The following ADAMTSL3 variants were observed in gnomAD, a reference collection of about 807,000 sequenced individuals.
ADAMTSL3 encodes ADAMTS-like protein 3.
Under a neutral mutation model 201.7 loss-of-function variants are expected in ADAMTSL3, and 128 were observed. The ratio of observed to expected loss-of-function variants is 0.63; its 90% CI spans 0.55 to 0.73. The LOEUF is 0.73. ADAMTSL3 is among the 30% of genes least tolerant of loss of function. The pLI, the probability that ADAMTSL3 is intolerant of heterozygous loss-of-function variation, is 0.00. For synonymous variants in ADAMTSL3, 738 were observed against 748.4 expected (o/e 0.99, Z 0.23); for missense variants, 1,990 against 2,119.6 (o/e 0.94, Z 1.20).
At chr15:83,968,824 C>CA (rs1278701150) in intron 19 of ADAMTSL3, among the ~76,000 whole-genome samples, 2 of 152,028 alleles carry the variant, frequency 1.3e-5, no homozygotes, top group Non-Finnish European at 2.9e-5. Flanking sequence ...TATGCAGCCA[C>CA]AAAAAAGGAT....
intron 3 of ADAMTSL3, among the ~76,000 whole-genome samples, chr15:83,750,088 A>G (rs545851141): frequency 2.1e-4 from 32 of 152,308 alleles, no homozygotes; most frequent in African/African-American, 6.7e-4. Context: ...CCTCCACTCT[A>G]TGGCCTTGCA....
intron 14 of ADAMTSL3, among the ~76,000 whole-genome samples, chr15:83,898,722 G>A (rs1197689279): frequency 6.6e-6 from 1 of 152,148 alleles, no homozygotes; most frequent in Non-Finnish European, 1.5e-5. Flanking sequence ...CTCATGAAAA[G>A]TATCTTCCAT....
chr15:83,755,218 T>C (rs1391029067), intron 3 of ADAMTSL3, among the ~76,000 whole-genome samples: 1 of 152,204 alleles, frequency 6.6e-6, no homozygotes, highest in African/African-American at 2.4e-5. Context: ...AACACCTTGG[T>C]GTTGCCTGTA....
chr15:83,954,779 C>G (rs552278438), intron 19 of ADAMTSL3, among the ~76,000 whole-genome samples: 1 of 152,322 alleles, frequency 6.6e-6, no homozygotes, highest in South Asian at 2.1e-4. Flanking sequence ...CTCTGGATTA[C>G]CAGGAAGAGA....
At chr15:83,741,271 T>C (rs964515216) in intron 3 of ADAMTSL3, among the ~76,000 whole-genome samples, 28 of 151,566 alleles carry the variant, frequency 1.8e-4, no homozygotes, top group Non-Finnish European at 3.7e-4. Flanking sequence ...TCCCACAGGG[T>C]GTTTTTTCTT....
At chr15:83,863,339 A>G (rs1383041362) in intron 8 of ADAMTSL3, among the ~76,000 whole-genome samples, 1 of 151,010 alleles carries the variant, frequency 6.6e-6, no homozygotes, top group Admixed American at 6.6e-5. Context: ...ACCACACCAC[A>G]CCCAAAACTG....
chr15:83,966,443 T>C (rs905736019), intron 19 of ADAMTSL3, among the ~76,000 whole-genome samples: 6 of 152,122 alleles, frequency 3.9e-5, no homozygotes, highest in African/African-American at 1.4e-4. Context: ...ATGGATAAAT[T>C]CCTGGACACA....
Position 83,819,921 on chromosome 15 carries a change from T to C in ADAMTSL3, c.474T>C (p.Ala158=), listed in dbSNP as rs1799806440. The C allele has an allele frequency of 6.2e-7, 1 of 1,614,032 alleles. No individual in the cohort carries two copies. The highest frequency in any genetic ancestry group is 1.3e-5 in the African/African-American group (1 of 74,908). The change falls in exon 6 of 30, where the codon GCT becomes GCC. Residue 158 remains alanine (A), a synonymous_variant. Transcript: ENST00000286744. ...YEWLPRYNDP[A]APCALKCHAQ... ...GGCTTCCACGATATAATGATCCTGC[T>C]GCCCCGTGTGCACTCAAGTGTCATG...
chr15:83,738,345 T>C (rs1335441769), intron 3 of ADAMTSL3, among the ~76,000 whole-genome samples: 3 of 152,194 alleles, frequency 2.0e-5, no homozygotes, highest in Non-Finnish European at 4.4e-5. Context: ...TTGGGTCTCC[T>C]TTTAGAGATA....
chr15:83,845,635 TA>T (rs542175010), intron 7 of ADAMTSL3, among the ~76,000 whole-genome samples: 71 of 151,342 alleles, frequency 4.7e-4, no homozygotes, highest in East Asian at 7.7e-4. Context: ...TGTTCATTGT[TA>T]AAAAAAAATA....
intron 13 of ADAMTSL3, among the ~76,000 whole-genome samples, chr15:83,896,171 C>T (rs2065609804): frequency 6.6e-6 from 1 of 152,098 alleles, no homozygotes; most frequent in Non-Finnish European, 1.5e-5. Flanking sequence ...CTTATCTGTT[C>T]AATAAGCCTG....
At chr15:83,920,240 A>C (rs1324804133) in intron 16 of ADAMTSL3, among the ~76,000 whole-genome samples, 3 of 152,200 alleles carry the variant, frequency 2.0e-5, no homozygotes, top group Non-Finnish European at 2.9e-5. Flanking sequence ...GACATGGTAC[A>C]TTAGCAACTG....
intron 28 of ADAMTSL3, among the ~76,000 whole-genome samples, chr15:84,035,915 G>A (rs190407378): frequency 1.9e-4 from 29 of 151,990 alleles, no homozygotes; most frequent in Admixed American, 1.2e-3. Context: ...ATTTCTGGCC[G>A]ATGTGGAAGA....
intron 23 of ADAMTSL3, 116 bp downstream of exon 23, chr15:83,991,330 CT>C: frequency 6.8e-7 from 1 of 1,467,344 alleles, no homozygotes; most frequent in Non-Finnish European, 9.2e-7. Flanking sequence ...GCCTGATAGG[CT>C]TAAAAAAAAG....
intron 2 of ADAMTSL3, among the ~76,000 whole-genome samples, chr15:83,688,048 C>T (rs889897776): frequency 2.0e-5 from 3 of 152,032 alleles, no homozygotes; most frequent in African/African-American, 7.3e-5. Context: ...GTTTTAGAAG[C>T]CTTAACGTTC....
chr15:83,962,386 A>C (rs2142097152), intron 19 of ADAMTSL3: 1 of 152,262 alleles, frequency 6.6e-6, no homozygotes, highest in South Asian at 2.1e-4. Context: ...TACTCTCCTA[A>C]GTCAAATTGT....
chr15:83,923,512 T>G (rs1210245105), intron 16 of ADAMTSL3, among the ~76,000 whole-genome samples: 1 of 152,214 alleles, frequency 6.6e-6, no homozygotes, highest in Non-Finnish European at 1.5e-5. Flanking sequence ...GATTCAAAAA[T>G]TCCTCTTAAG....
intron 3 of ADAMTSL3, among the ~76,000 whole-genome samples, chr15:83,735,758 A>G (rs1280066664): frequency 6.6e-6 from 1 of 151,932 alleles, no homozygotes; most frequent in African/African-American, 2.4e-5. Context: ...AGTAAATTGG[A>G]TTTGGATATC....
At chr15:83,707,209 A>G (rs1417481224) in intron 3 of ADAMTSL3, among the ~76,000 whole-genome samples, 1 of 152,110 alleles carries the variant, frequency 6.6e-6, no homozygotes, top group Non-Finnish European at 1.5e-5. Context: ...CCTGTCCCTT[A>G]ATTTTCTCAT....
Sources: gnomAD v4.1 joint callset for allele counts (sites outside exome capture counted in the v4.1 genomes callset) on GRCh38, gnomAD v4.1.1 for gene constraint, MANE v1.5 for transcripts, NCBI Gene and HGNC (gene_info 2026-07-23, HGNC 2026-07-21) for gene names.